NT5C3A: variants seen among roughly 807,000 people sequenced by gnomAD.
The protein encoded by NT5C3A is 5'-nucleotidase, cytosolic IIIA.
In NT5C3A, 23 loss-of-function variants were observed where a neutral mutation model predicts 40.0. The observed-to-expected ratio is 0.58, with a 90% CI of 0.41 to 0.81. The LOEUF is 0.81. NT5C3A is among the 40% of genes least tolerant of loss of function. NT5C3A has a pLI of 0.00. For missense variants in NT5C3A, 328 were observed against 403.0 expected (o/e 0.81, Z 1.59); for synonymous variants, 130 against 141.4 (o/e 0.92, Z 0.57).
chr7:33,015,225 C>T (rs1302691826), intron 8 of NT5C3A, among the ~76,000 whole-genome samples: 2 of 152,248 alleles, frequency 1.3e-5, no homozygotes, highest in Admixed American at 1.3e-4. Flanking sequence ...TGCATCTCAG[C>T]TCCTTTTTAA....
intron 1 of NT5C3A, among the ~76,000 whole-genome samples, chr7:33,047,820 G>C (rs1010050867): frequency 5.3e-5 from 8 of 152,060 alleles, no homozygotes; most frequent in Admixed American, 5.2e-4. Flanking sequence ...AAATAAAATA[G>C]ATAAATTATT....
chr7:33,053,839 T>C (rs1787467018), intron 1 of NT5C3A, among the ~76,000 whole-genome samples: 2 of 152,094 alleles, frequency 1.3e-5, no homozygotes, highest in South Asian at 4.1e-4. Context: ...TAAAACTGTT[T>C]CAGGAAGGAG....
rs532287330 is a variant in NT5C3A at position 33,026,873 on chromosome 7, T to C, written c.181A>G (p.Thr61Ala). ...QKSSVRIKNP[T>A]RVEEIICGLI... is the part of the protein sequence containing the mutation. ...CCACAGATAATTTCTTCTACTCTTGTAGGGTTCTTGATTCGAACTGAACTT... is the reference window on the plus strand; with the variant it reads ...CCACAGATAATTTCTTCTACTCTTGCAGGGTTCTTGATTCGAACTGAACTT... Residue 61 changes from threonine to alanine, a missense_variant, in exon 2 of 9, where the codon ACA becomes GCA. By Grantham distance (58) the Thr-to-Ala change is moderately conservative. This residue lies in a region of NT5C3A where 280 missense variants were observed against 317.2 expected (regional missense o/e 0.88). Coordinates refer to ENST00000610140, the MANE Select transcript of NT5C3A (RefSeq NM_001002010.5). The C allele has an allele frequency of 1.9e-6, 3 of 1,612,918 alleles. No homozygotes were observed. Among genetic ancestry groups the C allele is most frequent in the African/African-American group, 1.3e-5 (1 of 74,986 alleles).
chr7:33,053,797 A>G (rs1484529099), intron 1 of NT5C3A, among the ~76,000 whole-genome samples: 2 of 152,216 alleles, frequency 1.3e-5, no homozygotes, highest in Admixed American at 6.5e-5. Flanking sequence ...ATGAATTCAC[A>G]ACAAAAGGAA....
chr7:33,039,022 C>CT, intron 1 of NT5C3A: 1 of 408,002 alleles, frequency 2.5e-6, no homozygotes, highest in South Asian at 1.8e-5. Flanking sequence ...ACTTTGTGTG[C>CT]TTTTTGTATG....
intron 1 of NT5C3A, among the ~76,000 whole-genome samples, chr7:33,055,458 C>G (rs1787533920): frequency 6.6e-6 from 1 of 152,156 alleles, no homozygotes; most frequent in Non-Finnish European, 1.5e-5. Flanking sequence ...CAAATGTGCT[C>G]AATCAGAAAA....
At chr7:33,062,447 A>T in intron 1 of NT5C3A, 121 bp downstream of exon 1, 1 of 888,042 alleles carries the variant, frequency 1.1e-6, no homozygotes, top group East Asian at 2.8e-5. Flanking sequence ...TCCCAGCCTG[A>T]CAGGCGACGC....
intron 6 of NT5C3A, among the ~76,000 whole-genome samples, chr7:33,019,258 A>C (rs568506452): frequency 1.3e-5 from 1 of 74,234 alleles, no homozygotes; most frequent in South Asian, 3.2e-4. Context: ...CCTGTCTTTA[A>C]AAAAAAAAAA....
At chr7:33,044,461 C>A (rs916585513) in intron 1 of NT5C3A, among the ~76,000 whole-genome samples, 4 of 152,112 alleles carry the variant, frequency 2.6e-5, no homozygotes, top group Admixed American at 6.5e-5. Flanking sequence ...TTTAACTGCA[C>A]AATGGACTTT....
At chr7:33,049,471 A>G (rs1202799061) in intron 1 of NT5C3A, among the ~76,000 whole-genome samples, 1 of 152,306 alleles carries the variant, frequency 6.6e-6, no homozygotes, top group East Asian at 1.9e-4. Context: ...CATAGATTCT[A>G]TAACTTGTTA....
At chr7:33,031,107 C>CAAA (rs11407650) in intron 1 of NT5C3A, among the ~76,000 whole-genome samples, 9 of 131,782 alleles carry the variant, frequency 6.8e-5, no homozygotes, top group Non-Finnish European at 1.1e-4. Context: ...CAAAAAAAAA[C>CAAA]AAAAAAAAAA....
chr7:33,052,403 T>C lies in NT5C3A; in HGVS notation c.138+10165A>G, dbSNP rs1787403555. ...GTGGCTGAGGCACCACGAGTATCAC[T>C]TGAAGCTGGGAGACAGAGGTTGCAG... On this transcript the variant is annotated intron_variant, in intron 1 of 8. Transcript: ENST00000610140. 3.4e-5 allele frequency among the ~76,000 whole-genome samples: 5 copies of C among 146,246 alleles called. No homozygotes were observed. In the Admixed American group the frequency reaches 3.5e-4, roughly 10 times the overall value.
In NT5C3A at chr7:33,024,077, C is replaced by T. The variant is rs1370352276; in HGVS notation, c.269G>A (p.Arg90Lys). 1 of 1,585,086 alleles carries T rather than the reference C, an allele frequency of 6.3e-7. No homozygotes were observed. The change falls in exon 3 of 9, where the codon AGA becomes AAA. Residue 90 changes from arginine (R) to lysine (K), a missense_variant. By Grantham distance (26) the Arg-to-Lys change is conservative. Coordinates refer to ENST00000610140, the MANE Select transcript of NT5C3A (RefSeq NM_001002010.5). Reference protein sequence around the residue: ...IITDFDMTLSRFSYKGKRCPT... With the variant: ...IITDFDMTLSKFSYKGKRCPT... ...GCATCTTTTCCCTTTATATGAAAAT[C>T]TACTGAGTGTCATATCAAAGTCCGT...
intron 5 of NT5C3A, among the ~76,000 whole-genome samples, chr7:33,020,495 T>C (rs192455451): frequency 2.0e-5 from 3 of 152,314 alleles, no homozygotes; most frequent in Admixed American, 2.0e-4. Flanking sequence ...TCTTCTTATA[T>C]CTTCCAAGTC....
At chr7:33,033,894 A>ATAC (rs11437974) in intron 1 of NT5C3A, among the ~76,000 whole-genome samples, 1 of 123,538 alleles carries the variant, frequency 8.1e-6, no homozygotes, top group South Asian at 2.4e-4. Context: ...ATATATATAT[A>ATAC]ATTTTTTTTT....
intron 1 of NT5C3A, among the ~76,000 whole-genome samples, chr7:33,031,121 A>G (rs906333664): frequency 6.6e-6 from 1 of 150,960 alleles, no homozygotes; most frequent in African/African-American, 2.4e-5. Context: ...AAAAAAAAAA[A>G]AGAGAGAAGC....
At chr7:33,017,122 AC>A (rs1384097081) in intron 7 of NT5C3A, 1 of 285,474 alleles carries the variant, frequency 3.5e-6, no homozygotes, top group Non-Finnish European at 6.5e-6. Context: ...GACAGAGGTT[AC>A]AATGTGCTGA....
intron 2 of NT5C3A, among the ~76,000 whole-genome samples, chr7:33,024,848 G>T (rs1785832417): frequency 1.3e-5 from 2 of 151,998 alleles, no homozygotes; most frequent in African/African-American, 4.8e-5. Flanking sequence ...TTTAAAAATT[G>T]AAAAAATCCA....
rs1411115494 is a variant in NT5C3A at position 33,022,080 on chromosome 7, C to G, written c.327G>C (p.Lys109Asn). Residue 109 changes from lysine (K) to asparagine (N), a missense_variant, in exon 4 of 9, where the codon AAG (lysine) becomes AAC (asparagine). Lys to Asn is a moderately conservative substitution (Grantham distance 94, BLOSUM62 0). Transcript: ENST00000610140. ...PTCHNIIDNC[K>N]LVTDECRKKL... ...TTTTTCTACATTCATCTGTAACCAG[C>G]TTACAGTTGTCAATGATATCTAAAG... 1 of 1,531,132 alleles carries G rather than the reference C, an allele frequency of 6.5e-7. No homozygotes were observed. Among genetic ancestry groups the G allele is most frequent in the Non-Finnish European group, 9.0e-7 (1 of 1,105,758 alleles). 94.8% of individuals were successfully genotyped at this position (1,531,132 alleles called of 1,614,324 possible).
Sources: gnomAD v4.1 joint callset for allele counts (sites outside exome capture counted in the v4.1 genomes callset) on GRCh38, gnomAD v4.1.1 for gene constraint, gnomAD v4.1.1 regional missense constraint, MANE v1.5 for transcripts, NCBI Gene and HGNC (gene_info 2026-07-23, HGNC 2026-07-21) for gene names.